Variants in RBM39 observed in about 807,000 individuals in gnomAD.
RBM39 encodes RNA-binding protein 39.
RBM39 carries 12 observed loss-of-function variants against 79.6 expected under a neutral mutation model. The ratio of observed to expected loss-of-function variants is 0.15; its 90% CI spans 0.10 to 0.24. The LOEUF (loss-of-function observed/expected upper bound fraction) is 0.24. Ranked by LOEUF, RBM39 falls within the 10% of genes least tolerant of loss-of-function variation. RBM39 has a pLI of 1.00. For missense variants in RBM39, 243 were observed against 653.4 expected (o/e 0.37, Z 6.85); for synonymous variants, 185 against 208.4 (o/e 0.89, Z 0.97).
chr20:35,713,317 C>T (rs557394518), intron 11 of RBM39: 14 of 371,620 alleles, frequency 3.8e-5, no homozygotes, highest in Non-Finnish European at 5.9e-5. Context: ...GTGAAACTCT[C>T]TTTTTTTTTT....
At chr20:35,714,516 C>T (rs1457332276) in intron 10 of RBM39, 127 bp from the exon 11 acceptor site, 2 of 1,312,470 alleles carry the variant, frequency 1.5e-6, no homozygotes, top group Non-Finnish European at 1.0e-6. Context: ...GTAGAAACTG[C>T]AAGCTGTAAG....
At chr20:35,715,924 A>G (rs973305347) in intron 10 of RBM39, among the ~76,000 whole-genome samples, 6 of 152,114 alleles carry the variant, frequency 3.9e-5, no homozygotes, top group East Asian at 1.9e-4. Context: ...CCTCCAAGCA[A>G]TAACAAGTAA....
Position 35,738,952 on chromosome 20 carries a change from CCTT to C in RBM39, c.101+13_101+15del. Reference sequence around the variant, plus strand: ...AAAGCTCACCACCCTCCCCCAAGCCCCTTCTTAAAACTCACTTTTTGCTACGTT... The same window carrying C: ...AAAGCTCACCACCCTCCCCCAAGCCCCTTAAAACTCACTTTTTGCTACGTT... On this transcript the variant is annotated intron_variant, in intron 3 of 16. Coordinates refer to ENST00000253363, the MANE Select transcript of RBM39 (RefSeq NM_184234.3). 1 of 1,606,028 alleles carries C rather than the reference CCTT, an allele frequency of 6.2e-7. No homozygotes were observed. The highest frequency in any genetic ancestry group is 8.5e-7 in the Non-Finnish European group (1 of 1,172,702).
chr20:35,733,931 T>C (rs2146704838), intron 3 of RBM39, among the ~76,000 whole-genome samples: 1 of 152,352 alleles, frequency 6.6e-6, no homozygotes. Context: ...ATCACCCAAA[T>C]TTTAGAGGTG....
At position 35,703,949 on chromosome 20, in the gene RBM39, G is replaced by T. The variant is rs1414523782; in HGVS notation, c.*532C>A. The T allele has an allele frequency of 6.6e-6, 1 of 152,630 alleles. No individual in the cohort carries two copies. The highest frequency in any genetic ancestry group is 1.5e-5 in the Non-Finnish European group (1 of 68,374). 9.5% of individuals were successfully genotyped at this position (152,630 alleles called of 1,614,324 possible). On this transcript the variant is annotated 3_prime_UTR_variant, in exon 17 of 17. Coordinates refer to ENST00000253363, the MANE Select transcript of RBM39 (RefSeq NM_184234.3). Reference sequence around the variant, plus strand: ...CTTTTACAGATACATTAATTGAAAAGATACCATCAAGAAATATAATTTTGA... The same window carrying T: ...CTTTTACAGATACATTAATTGAAAATATACCATCAAGAAATATAATTTTGA...
At chr20:35,717,301 A>C (rs182569162) in intron 9 of RBM39, among the ~76,000 whole-genome samples, 241 of 152,102 alleles carry the variant, frequency 1.6e-3, no homozygotes, top group African/African-American at 6.3e-4. Context: ...CAAAAACAAA[A>C]AAAAAAAACA....
chr20:35,703,705 A>G lies in RBM39; in HGVS notation c.*776T>C, dbSNP rs1358552641. ...ATAGAAATATCAAGCTGTCTTGTCA[A>G]ACACACTGAAGTAACCCAAAAATAT... On this transcript the variant is annotated 3_prime_UTR_variant, in exon 17 of 17. Transcript: ENST00000253363. 1.3e-5 allele frequency: 2 copies of G among 152,628 alleles called. No individual in the cohort carries two copies. The highest frequency in any genetic ancestry group is 1.9e-4 in the East Asian group (1 of 5,200). 9.5% of individuals were successfully genotyped at this position (152,628 alleles called of 1,614,324 possible).
rs555524244 is a variant in RBM39 at position 35,714,324 on chromosome 20, T to C, written c.957A>G (p.Arg319=). 1.2e-6 allele frequency: 2 copies of C among 1,614,172 alleles called. No individual in the cohort carries two copies. Among genetic ancestry groups the C allele is most frequent in the African/African-American group, 2.7e-5 (2 of 75,068 alleles). ...EQLNGFELAG[R]PMKVGHVTER... The stretch of plus-strand genomic sequence containing the variant: ...CAGTAACATGACCAACTTTCATTGG[T>C]CTTCCTGCTAGTTCAAATCCATTAA... The change falls in exon 11 of 17, where the codon AGA becomes AGG. Residue 319 remains arginine (R), a synonymous_variant. Transcript: ENST00000253363.
At chr20:35,710,306 G>C (rs978131702) in intron 12 of RBM39, 3 of 152,092 alleles carry the variant, frequency 2.0e-5, no homozygotes, top group Admixed American at 6.6e-5. Flanking sequence ...GCTCAAAATT[G>C]GCATCTCAGG....
chr20:35,719,572 G>C (rs1206507844), intron 9 of RBM39, among the ~76,000 whole-genome samples: 2 of 152,030 alleles, frequency 1.3e-5, no homozygotes, highest in African/African-American at 2.4e-5. Context: ...AGCTACTCAG[G>C]AGGCTGAGGC....
At chr20:35,741,470 A>C (rs2040527604) in intron 1 of RBM39, 1 of 152,436 alleles carries the variant, frequency 6.6e-6, no homozygotes, top group African/African-American at 2.4e-5. Flanking sequence ...ACGTAAGTAA[A>C]TCCAAAACGC....
intron 3 of RBM39, among the ~76,000 whole-genome samples, chr20:35,736,200 G>A (rs1472392204): frequency 6.6e-6 from 1 of 152,068 alleles, no homozygotes; most frequent in Non-Finnish European, 1.5e-5. Context: ...AAAAACATTA[G>A]GAAACCATTA....
chr20:35,716,819 G>A lies in RBM39; in HGVS notation c.826-14C>T. On this transcript the variant is annotated splice_polypyrimidine_tract_variant and intron_variant, in intron 9 of 16. Coordinates refer to ENST00000253363, the MANE Select transcript of RBM39 (RefSeq NM_184234.3). Reference sequence around the variant, plus strand: ...GATACTTTCAATCTATAATTGAAAAGCATAATTACTATAACTTAAAAGCAG... The same window carrying A: ...GATACTTTCAATCTATAATTGAAAAACATAATTACTATAACTTAAAAGCAG... 1 of 1,571,710 alleles carries A rather than the reference G, an allele frequency of 6.4e-7. No individual in the cohort carries two copies. Among genetic ancestry groups the A allele is most frequent in the Non-Finnish European group, 8.7e-7 (1 of 1,148,552 alleles).
At chr20:35,723,173 G>GTATC (rs2038208059) in intron 8 of RBM39, among the ~76,000 whole-genome samples, 1 of 150,708 alleles carries the variant, frequency 6.6e-6, no homozygotes, top group Non-Finnish European at 1.5e-5. Context: ...ACATAAAACT[G>GTATC]TATCACCAAG....
Position 35,735,223 on chromosome 20 carries a change from G to A in RBM39, c.102-3088C>T. 3.2e-6 allele frequency: 4 copies of A among 1,249,156 alleles called. No homozygotes were observed. In the South Asian group the frequency reaches 8.4e-5, roughly 26 times the overall value. The allele number at this position is 1,249,156 out of a possible 1,614,324, so 77.4% of individuals were successfully genotyped here. Reference sequence around the variant, plus strand: ...ATTCTCTAAAGAGCTTAACGGAATGGACGCTGATTTAGACTTTGCAAAACT... The same window carrying A: ...ATTCTCTAAAGAGCTTAACGGAATGAACGCTGATTTAGACTTTGCAAAACT... On this transcript the variant is annotated intron_variant, in intron 3 of 16. Transcript: ENST00000253363.
At chr20:35,733,213 G>C (rs966334728) in intron 3 of RBM39, among the ~76,000 whole-genome samples, 1 of 151,248 alleles carries the variant, frequency 6.6e-6, no homozygotes, top group African/African-American at 2.4e-5. Context: ...TGAAGCAAGA[G>C]AATTGCTTGA....
At chr20:35,723,290 A>C (rs945255935) in intron 8 of RBM39, among the ~76,000 whole-genome samples, 9 of 152,104 alleles carry the variant, frequency 5.9e-5, no homozygotes, top group Non-Finnish European at 1.2e-4. Flanking sequence ...CTCTTGTAAC[A>C]AACTAGAGTA....
At chr20:35,731,752 A>AT in intron 4 of RBM39, 189 bp downstream of exon 4, 1 of 635,700 alleles carries the variant, frequency 1.6e-6, no homozygotes, top group Non-Finnish European at 2.7e-6. Context: ...GTAAAAGCAA[A>AT]TTTTTACTTA....
intron 15 of RBM39, 142 bp from the exon 16 acceptor site, chr20:35,704,888 T>C (rs2035530937): frequency 1.5e-6 from 1 of 661,826 alleles, no homozygotes; most frequent in South Asian, 2.0e-5. Context: ...GGCTAATAGG[T>C]ATACTAGAAT....
Sources: allele counts gnomAD v4.1 joint callset (sites outside exome capture counted in the v4.1 genomes callset), GRCh38; gene constraint gnomAD v4.1.1; transcripts MANE v1.5; gene names NCBI Gene and HGNC (gene_info 2026-07-23, HGNC 2026-07-21).